Variants in CA8 observed in about 807,000 individuals in gnomAD.
CA8 encodes carbonic anhydrase 8 (inactive).
CA8 carries 22 observed loss-of-function variants against 41.4 expected under a neutral mutation model. The ratio of observed to expected loss-of-function variants is 0.53; its 90% CI spans 0.38 to 0.76. The LOEUF (loss-of-function observed/expected upper bound fraction) is 0.76. CA8 is among the 30% of genes least tolerant of loss of function. The pLI is 0.00. For missense variants in CA8, 270 were observed against 352.8 expected (o/e 0.77, Z 1.88); for synonymous variants, 121 against 130.6 (o/e 0.93, Z 0.50).
At chr8:60,223,840 C>T (rs1807332897) in intron 6 of CA8, among the ~76,000 whole-genome samples, 3 of 152,082 alleles carry the variant, frequency 2.0e-5, no homozygotes, top group African/African-American at 7.2e-5. Context: ...CACTAAGGGA[C>T]AGCACATAAT....
intron 2 of CA8, among the ~76,000 whole-genome samples, chr8:60,276,004 G>A (rs1804220921): frequency 6.6e-6 from 1 of 152,154 alleles, no homozygotes; most frequent in African/African-American, 2.4e-5. Flanking sequence ...CTCCAATCAA[G>A]TGTGAAGTAT....
In CA8 at chr8:60,185,681, C is replaced by T. The variant is rs1373093088; in HGVS notation, c.*4340G>A. ...CAAAAACAGAAACAGAAACTTTTCACCAGGAGTTTTATATTTAGCAAAACT... is the reference window on the plus strand; with the variant it reads ...CAAAAACAGAAACAGAAACTTTTCATCAGGAGTTTTATATTTAGCAAAACT... On this transcript the variant is annotated 3_prime_UTR_variant, in exon 9 of 9. Transcript: ENST00000317995. Among the ~76,000 whole-genome samples, 1 of 151,906 alleles carries T rather than the reference C, an allele frequency of 6.6e-6. No homozygotes were observed. Among genetic ancestry groups the T allele is most frequent in the Non-Finnish European group, 1.5e-5 (1 of 67,982 alleles).
chr8:60,278,903 C>G (rs1207411196), intron 2 of CA8, among the ~76,000 whole-genome samples: 3 of 152,170 alleles, frequency 2.0e-5, no homozygotes, highest in African/African-American at 7.2e-5. Flanking sequence ...TTTCAACATA[C>G]TTTAATTTTT....
At chr8:60,246,386 G>A (rs1189367413) in intron 3 of CA8, among the ~76,000 whole-genome samples, 1 of 151,982 alleles carries the variant, frequency 6.6e-6, no homozygotes, top group East Asian at 1.9e-4. Context: ...CCCACATCTC[G>A]GGTTCAAGCA....
intron 7 of CA8, among the ~76,000 whole-genome samples, chr8:60,213,169 A>C (rs1806897634): frequency 6.6e-6 from 1 of 151,804 alleles, no homozygotes; most frequent in Non-Finnish European, 1.5e-5. Context: ...ACCAACTCTC[A>C]CTCTGTCATG....
chr8:60,264,975 C>T (rs887712630), intron 3 of CA8: 3 of 152,190 alleles, frequency 2.0e-5, no homozygotes, highest in African/African-American at 7.2e-5. Context: ...ATATTAAGCA[C>T]ATGCACAGTT....
At chr8:60,265,286 T>TGGG (rs1803863773) in intron 3 of CA8, 1 of 153,068 alleles carries the variant, frequency 6.5e-6, no homozygotes, top group African/African-American at 2.4e-5. Context: ...GCCAGCGCCA[T>TGGG]GGCAGTGCCC....
chr8:60,212,290 A>G (rs531550718), intron 7 of CA8, among the ~76,000 whole-genome samples: 14 of 152,372 alleles, frequency 9.2e-5, no homozygotes, highest in African/African-American at 3.4e-4. Context: ...CAGGGTTTGC[A>G]GTTTAGGGCT....
intron 7 of CA8, among the ~76,000 whole-genome samples, chr8:60,215,136 T>C (rs1806970731): frequency 6.6e-6 from 1 of 152,224 alleles, no homozygotes; most frequent in African/African-American, 2.4e-5. Context: ...GTATTCACAT[T>C]TTAATGACTC....
At chr8:60,198,890 G>A (rs1166577321) in intron 8 of CA8, among the ~76,000 whole-genome samples, 1 of 151,590 alleles carries the variant, frequency 6.6e-6, no homozygotes, top group Non-Finnish European at 1.5e-5. Context: ...TTTATTCCTC[G>A]TTACAATGAT....
At chr8:60,244,788 T>C (rs1808167487) in intron 3 of CA8, among the ~76,000 whole-genome samples, 1 of 152,226 alleles carries the variant, frequency 6.6e-6, no homozygotes, top group Non-Finnish European at 1.5e-5. Context: ...CCACTACACC[T>C]GGAAAGGTAC....
chr8:60,228,903 T>C (rs1807538667), intron 4 of CA8, among the ~76,000 whole-genome samples: 1 of 152,210 alleles, frequency 6.6e-6, no homozygotes, highest in African/African-American at 2.4e-5. Context: ...CATCTCTTTC[T>C]TTTCCTTCCT....
chr8:60,254,927 C>T (rs944217643), intron 3 of CA8, among the ~76,000 whole-genome samples: 7 of 152,286 alleles, frequency 4.6e-5, no homozygotes, highest in South Asian at 4.1e-4. Context: ...AAATCCCAGA[C>T]GGCTAAAATG....
At chr8:60,244,782 T>C (rs920534129) in intron 3 of CA8, among the ~76,000 whole-genome samples, 2 of 152,222 alleles carry the variant, frequency 1.3e-5, no homozygotes, top group African/African-American at 2.4e-5. Flanking sequence ...TAATTCCCAC[T>C]ACACCTGGAA....
intron 4 of CA8, 149 bp from the exon 5 acceptor site, chr8:60,227,084 G>T (rs757065821): frequency 4.4e-5 from 31 of 700,846 alleles, no homozygotes; most frequent in Non-Finnish European, 7.4e-5. Context: ...AAGGTTAGGA[G>T]ATCGAGGCCA....
At chr8:60,252,113 T>C (rs1209215546) in intron 3 of CA8, among the ~76,000 whole-genome samples, 1 of 152,158 alleles carries the variant, frequency 6.6e-6, no homozygotes, top group Non-Finnish European at 1.5e-5. Context: ...AAAAAATTTA[T>C]AAAGATATAG....
At chr8:60,249,353 G>A (rs1808361434) in intron 3 of CA8, among the ~76,000 whole-genome samples, 1 of 152,074 alleles carries the variant, frequency 6.6e-6, no homozygotes, top group Non-Finnish European at 1.5e-5. Flanking sequence ...TAATGTGAGA[G>A]GAAATATTTC....
At chr8:60,269,211 T>C (rs1192310497) in intron 2 of CA8, among the ~76,000 whole-genome samples, 1 of 152,198 alleles carries the variant, frequency 6.6e-6, no homozygotes, top group South Asian at 2.1e-4. Flanking sequence ...TCTTCCAGCA[T>C]TATTCTCCCT....
intron 7 of CA8, among the ~76,000 whole-genome samples, chr8:60,209,772 T>C (rs1391931177): frequency 2.6e-5 from 4 of 152,178 alleles, no homozygotes; most frequent in Admixed American, 6.5e-5. Flanking sequence ...CTTTACAATA[T>C]TGATTTTCAA....
Sources: allele counts gnomAD v4.1 joint callset (sites outside exome capture counted in the v4.1 genomes callset), GRCh38; gene constraint gnomAD v4.1.1; transcripts MANE v1.5; gene names NCBI Gene and HGNC (gene_info 2026-07-23, HGNC 2026-07-21).